SCFD2: variants seen among roughly 807,000 people sequenced by gnomAD.
The protein encoded by SCFD2 is sec1 family domain-containing protein 2.
Under a neutral mutation model 58.9 loss-of-function variants are expected in SCFD2, and 54 were observed. The observed-to-expected ratio is 0.92, with a 90% CI of 0.74 to 1.15. The LOEUF (loss-of-function observed/expected upper bound fraction) is 1.15. Among genes scored for constraint, SCFD2 ranks in the 50% most tolerant of loss-of-function variants. The pLI is 0.00. For missense variants in SCFD2, 805 were observed against 836.6 expected, an observed-to-expected ratio of 0.96 and a Z score of 0.47; for synonymous variants, 321 against 335.9, an observed-to-expected ratio of 0.96 and a Z score of 0.49.
At chr4:53,081,612 T>C (rs1724148511) in intron 5 of SCFD2, among the ~76,000 whole-genome samples, 2 of 152,216 alleles carry the variant, frequency 1.3e-5, no homozygotes, top group African/African-American at 4.8e-5. Context: ...TTTATCAGGA[T>C]GACTTTTAGT....
intron 5 of SCFD2, among the ~76,000 whole-genome samples, chr4:52,996,143 C>G (rs1473870866): frequency 1.3e-5 from 2 of 152,226 alleles, no homozygotes; most frequent in African/African-American, 4.8e-5. Context: ...TTTCCTCACA[C>G]ATTTACACCC....
At chr4:52,906,455 T>A (rs1283405834) in intron 7 of SCFD2, among the ~76,000 whole-genome samples, 1 of 152,200 alleles carries the variant, frequency 6.6e-6, no homozygotes, top group African/African-American at 2.4e-5. Flanking sequence ...ATTCTGGGCC[T>A]ACTTATACCA....
At chr4:53,265,649 A>T (rs1386997855) in intron 4 of SCFD2, 1 of 152,164 alleles carries the variant, frequency 6.6e-6, no homozygotes, top group Non-Finnish European at 1.5e-5. Context: ...TTGAAGTTCA[A>T]GCACTAGTTA....
chr4:52,968,398 G>T (rs1468366775), intron 5 of SCFD2, among the ~76,000 whole-genome samples: 1 of 152,248 alleles, frequency 6.6e-6, no homozygotes, highest in African/African-American at 2.4e-5. Context: ...GTCAGAACAT[G>T]CAGGCATACT....
At chr4:53,091,893 A>G (rs1724480391) in intron 5 of SCFD2, among the ~76,000 whole-genome samples, 1 of 152,194 alleles carries the variant, frequency 6.6e-6, no homozygotes, top group African/African-American at 2.4e-5. Flanking sequence ...AAATAATTTT[A>G]TTAATTGATA....
rs920921556 is a variant in SCFD2, at chr4:53,109,873, A to G, written c.1561+35460T>C. On this transcript the variant is annotated intron_variant, in intron 5 of 8. Transcript: ENST00000401642. ...ACAGAATTAGAAAAAATTACTTTAA[A>G]TTTCACATGGAACTAAAAAAGAGCC... 5.3e-5 allele frequency among the ~76,000 whole-genome samples: 8 copies of G among 152,174 alleles called. No individual in the cohort carries two copies. The East Asian group carries it at 9.6e-4, about 18-fold the overall frequency.
At chr4:53,151,348 G>A (rs1490592897) in intron 4 of SCFD2, among the ~76,000 whole-genome samples, 1 of 152,232 alleles carries the variant, frequency 6.6e-6, no homozygotes, top group East Asian at 1.9e-4. Flanking sequence ...CTAGCAGGAG[G>A]TAGAAGACTG....
rs576482634 is a variant in SCFD2 at position 53,091,329 on chromosome 4, T to G, written c.1561+54004A>C. Among the ~76,000 whole-genome samples the G allele has an allele frequency of 3.3e-5, 5 of 150,566 alleles. No homozygotes were observed. In the East Asian group the frequency reaches 9.8e-4, roughly 30 times the overall value. On this transcript the variant is annotated intron_variant, in intron 5 of 8. Coordinates refer to ENST00000401642, the MANE Select transcript of SCFD2 (RefSeq NM_152540.4). The stretch of plus-strand genomic sequence containing the variant: ...GCTGTCTCCCACTAGAGATAAAGAA[T>G]TAACTCTCAGCACCCAGGCAAAAGA...
intron 5 of SCFD2, among the ~76,000 whole-genome samples, chr4:53,029,138 G>A (rs1722553410): frequency 6.6e-6 from 1 of 152,112 alleles, no homozygotes; most frequent in African/African-American, 2.4e-5. Context: ...TGTGTGGTAT[G>A]TGTGTGTATT....
chr4:53,107,103 AG>A (rs1408729967), intron 5 of SCFD2, among the ~76,000 whole-genome samples: 2 of 152,338 alleles, frequency 1.3e-5, no homozygotes, highest in East Asian at 3.9e-4. Context: ...TTTTCAACCC[AG>A]AATTTCATAT....
At chr4:53,196,628 G>A (rs1728066194) in intron 4 of SCFD2, among the ~76,000 whole-genome samples, 1 of 152,038 alleles carries the variant, frequency 6.6e-6, no homozygotes, top group South Asian at 2.1e-4. Context: ...GATTACTGCT[G>A]ACTTTAACAA....
In SCFD2 at chr4:53,133,588, GA is replaced by G. The variant is rs564090568; in HGVS notation, c.1561+11744del. 4.6e-5 allele frequency among the ~76,000 whole-genome samples: 7 copies of G among 152,278 alleles called. No homozygotes were observed. The East Asian group carries it at 9.6e-4, about 21-fold the overall frequency. On this transcript the variant is annotated intron_variant, in intron 5 of 8. Transcript: ENST00000401642. ...TACATTAGACCCAGACTTTTCCAAA[GA>G]AGAGAGATAACATAAACAAATCATT...
intron 5 of SCFD2, among the ~76,000 whole-genome samples, chr4:53,015,654 T>C (rs528199189): frequency 6.6e-6 from 1 of 152,318 alleles, no homozygotes; most frequent in South Asian, 2.1e-4. Flanking sequence ...TGGTAACACA[T>C]ATCTATGTGT....
chr4:53,349,438 C>A (rs1055588591), intron 2 of SCFD2, among the ~76,000 whole-genome samples: 4 of 152,224 alleles, frequency 2.6e-5, no homozygotes, highest in African/African-American at 9.7e-5. Flanking sequence ...TTAGCATTAA[C>A]TTCCAGATGT....
rs377360835 is a variant in SCFD2, at chr4:53,149,344, C to T, written c.1312-3762G>A. On this transcript the variant is annotated intron_variant, in intron 4 of 8. Transcript: ENST00000401642. ...GCACAAGTCAAAAGGACACACAAGC[C>T]AAATGTAAGACTTCCCAGTGACCAA... Among the ~76,000 whole-genome samples the T allele has an allele frequency of 1.1e-4, 17 of 152,266 alleles. No homozygotes were observed. In the East Asian group the frequency reaches 2.3e-3, roughly 21 times the overall value.
intron 1 of SCFD2, among the ~76,000 whole-genome samples, chr4:53,356,842 T>A (rs1201064223): frequency 6.6e-6 from 1 of 150,422 alleles, no homozygotes; most frequent in Non-Finnish European, 1.5e-5. Context: ...GTTCACGCCA[T>A]TCTCCTGCCT....
chr4:53,007,305 G>GGAGAGAGA (rs147645284), intron 5 of SCFD2, among the ~76,000 whole-genome samples: 14,227 of 66,028 alleles, frequency 0.22, 1,692 homozygotes, highest in Middle Eastern at 0.28. Context: ...AGAGGGAGAG[G>GGAGAGAGA]GAGAGAGAGA....
At chr4:52,969,906 C>A (rs1452605984) in intron 5 of SCFD2, among the ~76,000 whole-genome samples, 4 of 152,140 alleles carry the variant, frequency 2.6e-5, no homozygotes, top group Non-Finnish European at 5.9e-5. Context: ...AGACAACATG[C>A]AAAAATGAAA....
intron 5 of SCFD2, among the ~76,000 whole-genome samples, chr4:53,141,345 T>C (rs1479960876): frequency 2.0e-5 from 3 of 152,176 alleles, no homozygotes; most frequent in Non-Finnish European, 4.4e-5. Flanking sequence ...TTGGTAATTG[T>C]GTGCACCCAG....
Sources: gnomAD v4.1 joint callset for allele counts (sites outside exome capture counted in the v4.1 genomes callset) on GRCh38, gnomAD v4.1.1 for gene constraint, MANE v1.5 for transcripts, NCBI Gene and HGNC (gene_info 2026-07-23, HGNC 2026-07-21) for gene names.